ZNF385B: variants seen among roughly 807,000 people sequenced by gnomAD.
ZNF385B encodes the protein zinc finger protein 533.
A neutral mutation model predicts 39.2 loss-of-function variants in ZNF385B; 23 were observed. The observed-to-expected ratio is 0.59, with a 90% CI of 0.42 to 0.83. The LOEUF (loss-of-function observed/expected upper bound fraction) is 0.83. Ranked by LOEUF, ZNF385B falls within the 40% of genes least tolerant of loss-of-function variation. The pLI is 0.00. For synonymous variants in ZNF385B, 205 were observed against 222.6 expected (o/e 0.92, Z 0.70); for missense variants, 552 against 598.9 (o/e 0.92, Z 0.82).
intron 3 of ZNF385B, among the ~76,000 whole-genome samples, chr2:179,630,365 T>C (rs922463132): frequency 3.9e-5 from 6 of 152,234 alleles, no homozygotes; most frequent in African/African-American, 1.4e-4. Flanking sequence ...CTGCTGGTGA[T>C]ACCCAGACAA....
intron 1 of ZNF385B, among the ~76,000 whole-genome samples, chr2:179,836,541 T>C (rs1168992063): frequency 9.2e-6 from 1 of 108,930 alleles, no homozygotes; most frequent in Non-Finnish European, 1.8e-5. Flanking sequence ...AGACGGAGTC[T>C]CGCTCTGTCG....
At chr2:179,501,330 G>A (rs1455795040) in intron 5 of ZNF385B, among the ~76,000 whole-genome samples, 1 of 152,142 alleles carries the variant, frequency 6.6e-6, no homozygotes, top group Non-Finnish European at 1.5e-5. Flanking sequence ...TACGATTTGG[G>A]AGCAATGTAA....
chr2:179,566,229 G>A (rs983873411), intron 3 of ZNF385B, among the ~76,000 whole-genome samples: 1 of 152,192 alleles, frequency 6.6e-6, no homozygotes, highest in Admixed American at 6.5e-5. Flanking sequence ...TATAAATGAA[G>A]TATGTTCCTA....
intron 1 of ZNF385B, among the ~76,000 whole-genome samples, chr2:179,785,890 T>C (rs1704966278): frequency 6.6e-6 from 1 of 152,192 alleles, no homozygotes; most frequent in African/African-American, 2.4e-5. Context: ...ACTGCAATTT[T>C]GAAAGAAGTT....
rs1689078711 is a variant in ZNF385B at position 179,609,143 on chromosome 2, C to A, written c.299-64174G>T. Among the ~76,000 whole-genome samples, 6 of 151,888 alleles carry A rather than the reference C, an allele frequency of 4.0e-5. No individual in the cohort carries two copies. The South Asian group carries it at 1.3e-3, about 32-fold the overall frequency. On this transcript the variant is annotated intron_variant, in intron 3 of 9. Transcript: ENST00000410066. ...AACTGTAATCATTCGGTTGTGCTAT[C>A]AAATACTAGATTGTATTCATTCTAT...
At chr2:179,732,366 T>C (rs1701450316) in intron 3 of ZNF385B, among the ~76,000 whole-genome samples, 1 of 152,336 alleles carries the variant, frequency 6.6e-6, no homozygotes, top group South Asian at 2.1e-4. Context: ...CCAGCAATTA[T>C]GCAGCTGATC....
chr2:179,504,879 T>C (rs1559361407), intron 5 of ZNF385B, among the ~76,000 whole-genome samples: 1 of 150,928 alleles, frequency 6.6e-6, no homozygotes, highest in Non-Finnish European at 1.5e-5. Flanking sequence ...CCAAGGGGGA[T>C]GGTGCTAAAC....
At chr2:179,561,621 G>GAAAA in intron 3 of ZNF385B, among the ~76,000 whole-genome samples, 1 of 144,238 alleles carries the variant, frequency 6.9e-6, no homozygotes, top group African/African-American at 2.6e-5. Context: ...TGGCAAAATT[G>GAAAA]AAAAAAAAAA....
At chr2:179,663,462 G>C (rs1694730672) in intron 3 of ZNF385B, among the ~76,000 whole-genome samples, 1 of 152,128 alleles carries the variant, frequency 6.6e-6, no homozygotes, top group South Asian at 2.1e-4. Context: ...TGTAATCCCA[G>C]CACTTTGGGA....
intron 1 of ZNF385B, among the ~76,000 whole-genome samples, chr2:179,858,424 C>T (rs1487635014): frequency 6.6e-6 from 1 of 151,790 alleles, no homozygotes; most frequent in Non-Finnish European, 1.5e-5. Context: ...GAGAGTAGAG[C>T]TAGGATGTCA....
intron 1 of ZNF385B, among the ~76,000 whole-genome samples, chr2:179,857,780 T>C (rs1270878959): frequency 6.6e-6 from 1 of 152,226 alleles, no homozygotes; most frequent in African/African-American, 2.4e-5. Flanking sequence ...CCAATACACA[T>C]GGTGCTTTTA....
At chr2:179,664,259 T>C (rs763588895) in intron 3 of ZNF385B, among the ~76,000 whole-genome samples, 5 of 152,134 alleles carry the variant, frequency 3.3e-5, no homozygotes, top group Non-Finnish European at 7.4e-5. Context: ...TCCATTAATA[T>C]TTCATATTTA....
At chr2:179,749,818 G>A (rs1702571626) in intron 3 of ZNF385B, among the ~76,000 whole-genome samples, 2 of 152,070 alleles carry the variant, frequency 1.3e-5, no homozygotes. Flanking sequence ...CACACTGAAA[G>A]GTGTATTTGG....
At chr2:179,665,439 A>C (rs1450970414) in intron 3 of ZNF385B, among the ~76,000 whole-genome samples, 1 of 152,148 alleles carries the variant, frequency 6.6e-6, no homozygotes. Flanking sequence ...CTTTTTCACC[A>C]CTACGGTGAC....
Position 179,544,900 on chromosome 2 carries a change from A to G in ZNF385B, c.368T>C (p.Leu123Pro). The G allele has an allele frequency of 1.9e-6, 3 of 1,614,160 alleles. No homozygotes were observed. Among genetic ancestry groups the G allele is most frequent in the Non-Finnish European group, 2.5e-6 (3 of 1,179,986 alleles). Reference protein sequence around the residue: ...RTPTLMMQPSLDIKPFMSFPV... With the variant: ...RTPTLMMQPSPDIKPFMSFPV... ...AAAAGACATAAATGGTTTGATATCC[A>G]GTGAAGGCTGCATCATCAGGGTAGG... The change falls in exon 4 of 10, where the codon CTG (leucine) becomes CCG (proline). Residue 123 changes from leucine to proline, a missense_variant. Coordinates refer to ENST00000410066, the MANE Select transcript of ZNF385B (RefSeq NM_152520.6).
At chr2:179,627,977 G>C (rs925753) in intron 3 of ZNF385B, among the ~76,000 whole-genome samples, 85,858 of 151,858 alleles carry the variant, frequency 0.57, 24,869 homozygotes, top group African/African-American at 0.68. Flanking sequence ...CTCTGTTATC[G>C]AGATTTAATA....
chr2:179,691,608 C>T (rs1698359736), intron 3 of ZNF385B, among the ~76,000 whole-genome samples: 2 of 152,120 alleles, frequency 1.3e-5, no homozygotes, highest in African/African-American at 2.4e-5. Context: ...TTTTCCTCAT[C>T]GCATATCTCT....
At chr2:179,647,915 A>C (rs1337762621) in intron 3 of ZNF385B, among the ~76,000 whole-genome samples, 2 of 152,224 alleles carry the variant, frequency 1.3e-5, no homozygotes. Context: ...TAAAGTTATT[A>C]GATGAAACAG....
At chr2:179,635,218 G>C (rs1380474422) in intron 3 of ZNF385B, among the ~76,000 whole-genome samples, 6 of 151,944 alleles carry the variant, frequency 3.9e-5, no homozygotes, top group African/African-American at 1.4e-4. Context: ...AAAAGTACGA[G>C]TTCATGTCCT....
Sources: allele counts gnomAD v4.1 joint callset (sites outside exome capture counted in the v4.1 genomes callset), GRCh38; gene constraint gnomAD v4.1.1; transcripts MANE v1.5; gene names NCBI Gene and HGNC (gene_info 2026-07-23, HGNC 2026-07-21).